Variants in CAMKK2 observed in about 807,000 individuals in gnomAD.
The protein encoded by CAMKK2 is calcium/calmodulin dependent protein kinase kinase 2.
In CAMKK2, 30 loss-of-function variants were observed where a neutral mutation model predicts 67.2. The ratio of observed to expected loss-of-function variants is 0.45; its 90% CI spans 0.33 to 0.61. The LOEUF is 0.61. Ranked by LOEUF, CAMKK2 falls within the 20% of genes least tolerant of loss-of-function variation. The pLI is 0.02. For synonymous variants in CAMKK2, 322 were observed against 326.2 expected (o/e 0.99, Z 0.14); for missense variants, 643 against 802.0 (o/e 0.80, Z 2.39).
intron 1 of CAMKK2, among the ~76,000 whole-genome samples, chr12:121,275,498 A>G (rs1045044063): frequency 1.4e-4 from 21 of 151,670 alleles, no homozygotes; most frequent in Non-Finnish European, 2.5e-4. Context: ...TCAAAAAAAA[A>G]AAAAAAAAAA....
chr12:121,242,022 C>T (rs1888473981), intron 16 of CAMKK2, among the ~76,000 whole-genome samples: 1 of 152,190 alleles, frequency 6.6e-6, no homozygotes, highest in Non-Finnish European at 1.5e-5. Flanking sequence ...CTGCTGGTGT[C>T]TTGCAATTTT....
intron 16 of CAMKK2, among the ~76,000 whole-genome samples, chr12:121,241,388 A>C (rs749503609): frequency 4.6e-5 from 7 of 152,182 alleles, no homozygotes; most frequent in African/African-American, 7.2e-5. Context: ...CAACTGCTCC[A>C]GGGATCCTCC....
At chr12:121,247,760 C>T (rs1231102174) in intron 14 of CAMKK2, among the ~76,000 whole-genome samples, 3 of 152,196 alleles carry the variant, frequency 2.0e-5, no homozygotes, top group Non-Finnish European at 4.4e-5. Context: ...GCAGGAGCAG[C>T]ATCTGGGCTC....
At chr12:121,281,981 G>C (rs1342171831) in intron 1 of CAMKK2, among the ~76,000 whole-genome samples, 1 of 152,080 alleles carries the variant, frequency 6.6e-6, no homozygotes, top group African/African-American at 2.4e-5. Context: ...GAATCTATAA[G>C]CACAGACTGG....
intron 1 of CAMKK2, among the ~76,000 whole-genome samples, chr12:121,278,890 T>G (rs555492976): frequency 3.9e-4 from 60 of 152,348 alleles, no homozygotes; most frequent in African/African-American, 1.3e-3. Context: ...CGAGCTGGCC[T>G]GCTCTTAAGT....
At position 121,274,371 on chromosome 12, in the gene CAMKK2, G is replaced by C; in HGVS notation, c.156C>G (p.Phe52Leu). Residue 52 changes from phenylalanine (F) to leucine (L), a missense_variant, in exon 2 of 17, where the codon TTC becomes TTG. By Grantham distance (22) the Phe-to-Leu change is conservative (BLOSUM62 0). Transcript: ENST00000404169. ...CCGGCTCACACTCGGTGACCACAAT[G>C]AAGGACTCCATGCCCAGGTGGATGC... The part of the protein sequence containing the change: ...SLSIHLGMES[F>L]IVVTECEPGC... 1 of 1,613,578 alleles carries C rather than the reference G, an allele frequency of 6.2e-7. No homozygotes were observed. Among genetic ancestry groups the C allele is most frequent in the Non-Finnish European group, 8.5e-7 (1 of 1,179,948 alleles).
At chr12:121,281,430 A>G (rs1367359626) in intron 1 of CAMKK2, among the ~76,000 whole-genome samples, 1 of 152,260 alleles carries the variant, frequency 6.6e-6, no homozygotes, top group Non-Finnish European at 1.5e-5. Flanking sequence ...TGCCCGGGAC[A>G]TCAATGTCCT....
chr12:121,251,280 A>G (rs1427232240), intron 11 of CAMKK2, among the ~76,000 whole-genome samples: 1 of 152,238 alleles, frequency 6.6e-6, no homozygotes, highest in Admixed American at 6.5e-5. Flanking sequence ...GAATGAACAG[A>G]CAAGCACAGG....
intron 3 of CAMKK2, 186 bp from the exon 4 acceptor site, chr12:121,269,767 G>A: frequency 1.7e-6 from 1 of 590,956 alleles, no homozygotes; most frequent in East Asian, 2.8e-5. Context: ...GAAAGATCTG[G>A]GCGGAGCGCA....
intron 2 of CAMKK2, among the ~76,000 whole-genome samples, chr12:121,271,569 G>C (rs1054793936): frequency 9.9e-5 from 15 of 152,158 alleles, no homozygotes; most frequent in Non-Finnish European, 2.2e-4. Context: ...TGGCTACATT[G>C]TCCTGTAAAA....
At chr12:121,260,115 G>A (rs1893137531) in intron 7 of CAMKK2, among the ~76,000 whole-genome samples, 1 of 152,204 alleles carries the variant, frequency 6.6e-6, no homozygotes, top group Non-Finnish European at 1.5e-5. Flanking sequence ...TGAATGAATA[G>A]GATCAGATAA....
intron 11 of CAMKK2, among the ~76,000 whole-genome samples, chr12:121,250,580 G>A (rs1890503039): frequency 6.6e-6 from 1 of 152,116 alleles, no homozygotes; most frequent in African/African-American, 2.4e-5. Flanking sequence ...AGGACTTCCT[G>A]AAGCCCTGTC....
Position 121,249,819 on chromosome 12 carries a change from G to T in CAMKK2, c.1291C>A (p.Pro431Thr), listed in dbSNP as rs1465910940. 1.2e-6 allele frequency: 2 copies of T among 1,614,164 alleles called. No individual in the cohort carries two copies. Among genetic ancestry groups the T allele is most frequent in the Admixed American group, 1.7e-5 (1 of 60,018 alleles). Residue 431 changes from proline to threonine, a missense_variant, in exon 13 of 17, where the codon CCC becomes ACC. By Grantham distance (38) the Pro-to-Thr change is conservative. Around this residue, in one of 3 missense-constraint regions of CAMKK2, gnomAD observed 483 missense variants for 625.8 expected, o/e 0.77. Coordinates refer to ENST00000404169, the MANE Select transcript of CAMKK2 (RefSeq NM_001270485.2). ...DLITRMLDKNPESRIVVPEIK... is the reference protein window; with the variant it reads ...DLITRMLDKNTESRIVVPEIK... ...TCCGGCACCACGATCCTCGACTCGG[G>T]GTTCTTGTCCAGCATACGGGTGATC...
In CAMKK2 at chr12:121,248,665, C is replaced by T; in HGVS notation, c.1393G>A (p.Glu465Lys). 1.2e-6 allele frequency: 2 copies of T among 1,614,226 alleles called. No individual in the cohort carries two copies. Among genetic ancestry groups the T allele is most frequent in the Non-Finnish European group, 8.5e-7 (1 of 1,180,034 alleles). ...TTCTCGACCTCCTCTTCAGTCACTT[C>T]GACCAGCGTGCAGTTCTCATCCTCC... ...PSEDENCTLV[E>K]VTEEEVENSV... Residue 465 changes from glutamate (E) to lysine (K), a missense_variant, in exon 14 of 17, where the codon GAA becomes AAA. Transcript: ENST00000404169.
intron 5 of CAMKK2, among the ~76,000 whole-genome samples, chr12:121,268,099 T>TATATATAC (rs755449965): frequency 7.0e-6 from 1 of 143,474 alleles, no homozygotes; most frequent in Non-Finnish European, 1.6e-5. Context: ...TATATATATA[T>TATATATAC]ACTCTATTCA....
chr12:121,252,450 A>T (rs1890929216), intron 11 of CAMKK2, among the ~76,000 whole-genome samples: 1 of 152,160 alleles, frequency 6.6e-6, no homozygotes, highest in Non-Finnish European at 1.5e-5. Context: ...TTGTATTTTT[A>T]GTAAAGACGG....
intron 1 of CAMKK2, among the ~76,000 whole-genome samples, chr12:121,280,402 T>C (rs573774672): frequency 1.4e-4 from 22 of 152,200 alleles, no homozygotes; most frequent in Non-Finnish European, 1.9e-4. Context: ...CCTGTGATAA[T>C]TGCATTAACT....
intron 11 of CAMKK2, among the ~76,000 whole-genome samples, chr12:121,250,656 C>T (rs1890536207): frequency 6.6e-6 from 1 of 152,146 alleles, no homozygotes; most frequent in South Asian, 2.1e-4. Context: ...TTATCCCTGA[C>T]GTTATCGTAC....
intron 7 of CAMKK2, among the ~76,000 whole-genome samples, chr12:121,258,141 C>T (rs1265909687): frequency 6.6e-6 from 1 of 151,474 alleles, no homozygotes; most frequent in East Asian, 1.9e-4. Flanking sequence ...TCTCCTGCTT[C>T]ACCCTCCCAA....
Sources: gnomAD v4.1 joint callset for allele counts (sites outside exome capture counted in the v4.1 genomes callset) on GRCh38, gnomAD v4.1.1 for gene constraint, gnomAD v4.1.1 regional missense constraint, MANE v1.5 for transcripts, NCBI Gene and HGNC (gene_info 2026-07-23, HGNC 2026-07-21) for gene names.